Variants in ACOXL observed in about 807,000 individuals in gnomAD.
ACOXL encodes the protein acyl-CoA oxidase like.
A neutral mutation model predicts 71.9 loss-of-function variants in ACOXL; 70 were observed. The observed-to-expected ratio is 0.97, with a 90% CI of 0.80 to 1.19. The LOEUF (loss-of-function observed/expected upper bound fraction) is 1.19, where lower values mean the gene tolerates loss of function less well. Among genes scored for constraint, ACOXL ranks in the 50% most tolerant of loss-of-function variants. ACOXL has a pLI of 0.00. For synonymous variants in ACOXL, 253 were observed against 281.6 expected, an observed-to-expected ratio of 0.90 and a Z score of 1.02; for missense variants, 703 against 736.3, an observed-to-expected ratio of 0.95 and a Z score of 0.52.
chr2:110,921,399 C>A (rs868288575), intron 11 of ACOXL, among the ~76,000 whole-genome samples: 4 of 122,914 alleles, frequency 3.3e-5, no homozygotes, highest in South Asian at 3.3e-4. Context: ...CCCCCCCCCC[C>A]CTTTTTTTTT....
At chr2:110,778,663 G>A (rs13386063) in intron 2 of ACOXL, among the ~76,000 whole-genome samples, 116 of 152,322 alleles carry the variant, frequency 7.6e-4, no homozygotes, top group Middle Eastern at 3.4e-3. Flanking sequence ...ACCTTAAAGG[G>A]TTGATGGGAG....
At chr2:110,821,718 A>G (rs1468023272) in intron 9 of ACOXL, among the ~76,000 whole-genome samples, 1 of 152,236 alleles carries the variant, frequency 6.6e-6, no homozygotes, top group Non-Finnish European at 1.5e-5. Flanking sequence ...GAGTATCTGC[A>G]GAAATTATTT....
intron 1 of ACOXL, among the ~76,000 whole-genome samples, chr2:110,733,968 C>T (rs1003164949): frequency 7.2e-5 from 11 of 152,148 alleles, no homozygotes; most frequent in African/African-American, 2.7e-4. Flanking sequence ...TGTACAGTGG[C>T]AGTTTCCAGA....
At chr2:110,821,892 T>C (rs1445879975) in intron 9 of ACOXL, among the ~76,000 whole-genome samples, 1 of 152,184 alleles carries the variant, frequency 6.6e-6, no homozygotes, top group Non-Finnish European at 1.5e-5. Flanking sequence ...TTTTGGAAGC[T>C]CTTTCAATTG....
intron 2 of ACOXL, among the ~76,000 whole-genome samples, chr2:110,771,518 T>C (rs1173827027): frequency 1.3e-5 from 2 of 152,232 alleles, no homozygotes; most frequent in Non-Finnish European, 2.9e-5. Flanking sequence ...GGGAGTCTCA[T>C]TCACTCCAGG....
At chr2:110,737,748 G>C (rs1677044777) in intron 1 of ACOXL, among the ~76,000 whole-genome samples, 1 of 152,178 alleles carries the variant, frequency 6.6e-6, no homozygotes, top group African/African-American at 2.4e-5. Context: ...ATTCATTCTG[G>C]AGGCCTCCTT....
chr2:110,775,266 T>G (rs981065929), intron 2 of ACOXL, among the ~76,000 whole-genome samples: 4 of 152,232 alleles, frequency 2.6e-5, no homozygotes, highest in Admixed American at 1.3e-4. Flanking sequence ...TGACAATGAT[T>G]TCTTGGATAG....
At chr2:110,881,407 T>C (rs1696626932) in intron 10 of ACOXL, among the ~76,000 whole-genome samples, 1 of 152,150 alleles carries the variant, frequency 6.6e-6, no homozygotes, top group African/African-American at 2.4e-5. Context: ...TTTCCAAAAA[T>C]TATTTTGTTA....
intron 12 of ACOXL, among the ~76,000 whole-genome samples, chr2:110,976,375 G>C (rs2062446692): frequency 6.6e-6 from 1 of 152,220 alleles, no homozygotes. Flanking sequence ...TGAGTGGCAA[G>C]GGCCTACAGG....
At chr2:111,057,893 A>G (rs370393494) in intron 16 of ACOXL, among the ~76,000 whole-genome samples, 1 of 152,240 alleles carries the variant, frequency 6.6e-6, no homozygotes, top group Non-Finnish European at 1.5e-5. Flanking sequence ...AGGAAGTACA[A>G]ATCCTGGTGT....
At chr2:110,760,309 A>AT (rs371946308) in intron 1 of ACOXL, among the ~76,000 whole-genome samples, 29 of 151,054 alleles carry the variant, frequency 1.9e-4, no homozygotes, top group African/African-American at 6.1e-4. Context: ...CGCCTGGCTA[A>AT]TTTTTTTTGC....
chr2:110,901,720 A>G (rs1449914201), intron 10 of ACOXL, among the ~76,000 whole-genome samples: 2 of 152,036 alleles, frequency 1.3e-5, no homozygotes, highest in African/African-American at 2.4e-5. Flanking sequence ...TCTCCTCTAC[A>G]GATGGATTGA....
At chr2:110,801,523 C>G (rs982383828) in intron 7 of ACOXL, 129 bp from the exon 8 acceptor site, 10 of 765,612 alleles carry the variant, frequency 1.3e-5, no homozygotes, top group Admixed American at 7.2e-5. Context: ...ATGTCCACCC[C>G]CAAGGAAAAA....
intron 10 of ACOXL, among the ~76,000 whole-genome samples, chr2:110,858,077 G>C (rs1693481918): frequency 6.6e-6 from 1 of 152,132 alleles, no homozygotes; most frequent in African/African-American, 2.4e-5. Context: ...TTTTTTAGGT[G>C]CTCTGGACAT....
At chr2:110,846,760 C>G (rs1027055743) in intron 10 of ACOXL, among the ~76,000 whole-genome samples, 2 of 150,800 alleles carry the variant, frequency 1.3e-5, no homozygotes, top group African/African-American at 4.9e-5. Flanking sequence ...CCAGATCTGT[C>G]TGTGGTATAG....
chr2:110,878,173 GC>G (rs1200371589), intron 10 of ACOXL, among the ~76,000 whole-genome samples: 1 of 152,172 alleles, frequency 6.6e-6, no homozygotes, highest in Admixed American at 6.5e-5. Context: ...TTTTCAAGAA[GC>G]AAAAGAAGGT....
chr2:111,083,074 C>T (rs1558949813), intron 16 of ACOXL, among the ~76,000 whole-genome samples: 2 of 152,166 alleles, frequency 1.3e-5, no homozygotes, highest in East Asian at 3.9e-4. Context: ...AGGAGAAATA[C>T]CTAATGTAGA....
intron 1 of ACOXL, among the ~76,000 whole-genome samples, chr2:110,739,632 C>T (rs1029302994): frequency 3.3e-5 from 5 of 152,196 alleles, no homozygotes; most frequent in African/African-American, 1.2e-4. Flanking sequence ...CAGTTAGCCT[C>T]CCATGCCACC....
At chr2:110,776,591 G>T (rs1324543337) in intron 2 of ACOXL, among the ~76,000 whole-genome samples, 2 of 152,118 alleles carry the variant, frequency 1.3e-5, no homozygotes, top group Admixed American at 6.5e-5. Flanking sequence ...GGGAACAGCA[G>T]TCATGAAGGG....
Sources: allele counts gnomAD v4.1 joint callset (sites outside exome capture counted in the v4.1 genomes callset), GRCh38; gene constraint gnomAD v4.1.1; transcripts MANE v1.5; gene names NCBI Gene and HGNC (gene_info 2026-07-23, HGNC 2026-07-21).